NXPE4: variants seen among roughly 807,000 people sequenced by gnomAD.
NXPE4 encodes neurexophilin and PC-esterase domain family member 4.
Under a neutral mutation model 33.3 loss-of-function variants are expected in NXPE4, and 42 were observed. That is an observed-to-expected ratio of 1.26 (90% CI 0.98 to 1.63). The LOEUF (loss-of-function observed/expected upper bound fraction) is 1.63. Among genes scored for constraint, NXPE4 ranks in the 40% most tolerant of loss-of-function variants. The pLI is 0.00. For synonymous variants in NXPE4, 253 were observed against 234.9 expected (o/e 1.08, Z -0.71); for missense variants, 709 against 647.6 (o/e 1.09, Z -1.03).
chr11:114,630,518 C>A, the NXPE4 span, among the ~76,000 whole-genome samples: 4 of 151,402 alleles, frequency 2.6e-5, no homozygotes, highest in East Asian at 7.8e-4. Context: ...ATACAAAAAT[C>A]AATTCAAGAT....
the NXPE4 span, among the ~76,000 whole-genome samples, chr11:114,637,625 C>T: frequency 1.2e-3 from 187 of 150,558 alleles, 1 homozygote; most frequent in African/African-American, 4.1e-3. Context: ...CCATGTTCAG[C>T]GCTTCCTTCA....
At chr11:114,629,091 G>T in the NXPE4 span, among the ~76,000 whole-genome samples, 1 of 152,116 alleles carries the variant, frequency 6.6e-6, no homozygotes, top group East Asian at 1.9e-4. Context: ...TCTACCAGAG[G>T]TACAAGGAGG....
chr11:114,583,231 A>G, intron 2 of NXPE4: 1 of 697,034 alleles, frequency 1.4e-6, no homozygotes, highest in Non-Finnish European at 2.4e-6. Flanking sequence ...CAGGAGAGAC[A>G]GAGGGACAGG....
At chr11:114,632,516 A>G in the NXPE4 span, among the ~76,000 whole-genome samples, 5 of 123,926 alleles carry the variant, frequency 4.0e-5, no homozygotes, top group African/African-American at 1.5e-4. Context: ...TTTATTTTAT[A>G]TTATATTTTG....
chr11:114,614,063 G>A, the NXPE4 span, among the ~76,000 whole-genome samples: 206 of 151,732 alleles, frequency 1.4e-3, 1 homozygote, highest in Admixed American at 8.6e-3. Context: ...AATAAGTGTC[G>A]CCTCATGCAT....
At chr11:114,676,909 A>G in the NXPE4 span, among the ~76,000 whole-genome samples, 5 of 152,018 alleles carry the variant, frequency 3.3e-5, no homozygotes, top group Non-Finnish European at 7.4e-5. Context: ...TATACACATA[A>G]ACAGTTGGGT....
At chr11:114,677,191 A>G in the NXPE4 span, among the ~76,000 whole-genome samples, 3 of 152,056 alleles carry the variant, frequency 2.0e-5, no homozygotes, top group African/African-American at 7.2e-5. Flanking sequence ...TAAGTTCTAG[A>G]GATTTATTGT....
At chr11:114,587,671 T>C (rs1365267501) in intron 2 of NXPE4, among the ~76,000 whole-genome samples, 1 of 152,144 alleles carries the variant, frequency 6.6e-6, no homozygotes, top group Non-Finnish European at 1.5e-5. Flanking sequence ...GGGAAAACAG[T>C]TGGGGGGATG....
the NXPE4 span, among the ~76,000 whole-genome samples, chr11:114,647,065 A>G: frequency 6.6e-6 from 1 of 152,202 alleles, no homozygotes; most frequent in African/African-American, 2.4e-5. Context: ...ACCTGCTTGC[A>G]ATGTGCCCTA....
the NXPE4 span, among the ~76,000 whole-genome samples, chr11:114,612,055 G>C: frequency 6.6e-6 from 1 of 151,286 alleles, no homozygotes; most frequent in Non-Finnish European, 1.5e-5. Flanking sequence ...GTGTTGCCTC[G>C]TGGGTAACCA....
chr11:114,640,529 C>G, the NXPE4 span, among the ~76,000 whole-genome samples: 6 of 151,746 alleles, frequency 4.0e-5, no homozygotes, highest in East Asian at 3.8e-4. Context: ...TGAGAAACCT[C>G]CATACTATTT....
the NXPE4 span, among the ~76,000 whole-genome samples, chr11:114,653,866 A>T: frequency 1.3e-5 from 2 of 152,072 alleles, no homozygotes; most frequent in Non-Finnish European, 2.9e-5. Flanking sequence ...AGAAAGCTCA[A>T]GATTCCAGCT....
chr11:114,585,537 G>C (rs1591344443), intron 2 of NXPE4, among the ~76,000 whole-genome samples: 1 of 151,864 alleles, frequency 6.6e-6, no homozygotes, highest in East Asian at 1.9e-4. Flanking sequence ...GAAAAAGAAG[G>C]TCATTATGTA....
At chr11:114,610,208 AC>A in the NXPE4 span, among the ~76,000 whole-genome samples, 1 of 151,818 alleles carries the variant, frequency 6.6e-6, no homozygotes, top group Non-Finnish European at 1.5e-5. Context: ...AGCCACTGTT[AC>A]CCAGTCAATA....
At chr11:114,608,742 T>A in the NXPE4 span, among the ~76,000 whole-genome samples, 1 of 151,814 alleles carries the variant, frequency 6.6e-6, no homozygotes, top group Admixed American at 6.6e-5. Flanking sequence ...TAACCACTGT[T>A]ACCCAATGGA....
At chr11:114,614,608 G>T in the NXPE4 span, among the ~76,000 whole-genome samples, 2 of 151,810 alleles carry the variant, frequency 1.3e-5, no homozygotes, top group Non-Finnish European at 2.9e-5. Context: ...TTGCCTCGTG[G>T]GTAACCACTG....
In NXPE4 at chr11:114,570,667, A is replaced by G; in HGVS notation, c.*271T>C. 7.8e-6 allele frequency: 2 copies of G among 256,276 alleles called. No homozygotes were observed. Among genetic ancestry groups the G allele is most frequent in the Non-Finnish European group, 7.3e-6 (1 of 136,740 alleles). The allele number at this position is 256,276 out of a possible 1,614,324, so 15.9% of individuals were successfully genotyped here. A position where few individuals can be genotyped will look rare whatever the true frequency, so the allele number is the denominator to read the frequency against. ...TGCATCAGAGAGAACTTTTACCCAT[A>G]GGTGTCTTGACTTCCCATTGGTGAA... is the stretch of plus-strand genomic sequence containing the variant. On this transcript the variant is annotated 3_prime_UTR_variant, in exon 6 of 6. Coordinates refer to ENST00000375478, the MANE Select transcript of NXPE4 (RefSeq NM_001077639.2).
At chr11:114,604,815 C>T in the NXPE4 span, among the ~76,000 whole-genome samples, 3 of 152,012 alleles carry the variant, frequency 2.0e-5, no homozygotes, top group Non-Finnish European at 4.4e-5. Context: ...ACCACTGTTA[C>T]CTGGTGGATA....
chr11:114,638,083 C>T, the NXPE4 span, among the ~76,000 whole-genome samples: 7 of 151,374 alleles, frequency 4.6e-5, no homozygotes, highest in African/African-American at 1.5e-4. Context: ...CCATTCACCC[C>T]GTCACTTTCA....
Sources: gnomAD v4.1 joint callset for allele counts (sites outside exome capture counted in the v4.1 genomes callset) on GRCh38, gnomAD v4.1.1 for gene constraint, MANE v1.5 for transcripts, NCBI Gene and HGNC (gene_info 2026-07-23, HGNC 2026-07-21) for gene names.